SGMS1: variants seen among roughly 807,000 people sequenced by gnomAD.
SGMS1 encodes the protein sphingomyelin synthase 1.
Under a neutral mutation model 46.2 loss-of-function variants are expected in SGMS1, and 13 were observed. The ratio of observed to expected loss-of-function variants is 0.28; its 90% CI spans 0.18 to 0.45. SGMS1 has a LOEUF of 0.45. Among genes scored for constraint, SGMS1 ranks in the 20% least tolerant of loss-of-function variants. SGMS1 has a pLI of 1.00. For synonymous variants in SGMS1, 203 were observed against 187.8 expected (o/e 1.08, Z -0.66); for missense variants, 324 against 519.9 (o/e 0.62, Z 3.66).
At chr10:50,550,808 C>T (rs751772465) in intron 2 of SGMS1, among the ~76,000 whole-genome samples, 35 of 152,088 alleles carry the variant, frequency 2.3e-4, no homozygotes, top group African/African-American at 3.1e-4. Flanking sequence ...AAAATAAGGA[C>T]GTACTAAAAC....
chr10:50,615,008 T>G (rs953776302), intron 1 of SGMS1, among the ~76,000 whole-genome samples: 1 of 152,180 alleles, frequency 6.6e-6, no homozygotes, highest in Non-Finnish European at 1.5e-5. Flanking sequence ...TGCCAAAAGG[T>G]CTAATCAGAA....
chr10:50,617,423 G>T (rs1838808515), intron 1 of SGMS1, among the ~76,000 whole-genome samples: 1 of 152,162 alleles, frequency 6.6e-6, no homozygotes, highest in Non-Finnish European at 1.5e-5. Context: ...GGGACAAAGG[G>T]ATTACAAAGG....
At chr10:50,547,018 G>C (rs1171358679) in intron 2 of SGMS1, among the ~76,000 whole-genome samples, 1 of 152,038 alleles carries the variant, frequency 6.6e-6, no homozygotes, top group African/African-American at 2.4e-5. Context: ...AGGTATTACT[G>C]TTCAGAAATG....
At chr10:50,400,564 C>T (rs1201070619) in intron 6 of SGMS1, among the ~76,000 whole-genome samples, 2 of 151,504 alleles carry the variant, frequency 1.3e-5, no homozygotes, top group Admixed American at 1.3e-4. Context: ...AATCCTCCCA[C>T]CTCAGCCTCC....
chr10:50,612,519 A>G (rs1838759632), intron 1 of SGMS1, among the ~76,000 whole-genome samples: 1 of 152,260 alleles, frequency 6.6e-6, no homozygotes, highest in Admixed American at 6.5e-5. Context: ...AGGAACTGGA[A>G]CCACTGAAAA....
At chr10:50,322,688 C>T (rs533298337) in intron 8 of SGMS1, among the ~76,000 whole-genome samples, 280 of 151,094 alleles carry the variant, frequency 1.9e-3, no homozygotes, top group Non-Finnish European at 3.3e-3. Context: ...AAAAATTAGC[C>T]GGGCGCGGTG....
At chr10:50,437,662 A>G (rs943177276) in intron 5 of SGMS1, among the ~76,000 whole-genome samples, 34 of 152,328 alleles carry the variant, frequency 2.2e-4, no homozygotes, top group Middle Eastern at 6.8e-3. Flanking sequence ...GCAAAAGAGT[A>G]AAAGCACCAA....
intron 3 of SGMS1, among the ~76,000 whole-genome samples, chr10:50,484,554 G>T (rs1177965807): frequency 6.6e-6 from 1 of 152,130 alleles, no homozygotes; most frequent in Admixed American, 6.5e-5. Flanking sequence ...TATGAGGCCA[G>T]CATCATCTTG....
intron 5 of SGMS1, among the ~76,000 whole-genome samples, chr10:50,439,436 A>G (rs10825996): frequency 0.31 from 47,560 of 151,990 alleles, 7,640 homozygotes; most frequent in Middle Eastern, 0.39. Context: ...ACAGATGATG[A>G]CACATAGATC....
At chr10:50,610,544 A>T (rs1224508145) in intron 1 of SGMS1, among the ~76,000 whole-genome samples, 1 of 152,140 alleles carries the variant, frequency 6.6e-6, no homozygotes, top group Non-Finnish European at 1.5e-5. Context: ...CTGTTTCTAA[A>T]ATCAAAGTGA....
chr10:50,420,356 G>A (rs56080689), intron 6 of SGMS1, among the ~76,000 whole-genome samples: 28,903 of 152,010 alleles, frequency 0.19, 2,961 homozygotes, highest in Admixed American at 0.24. Context: ...TCAGGCATTC[G>A]TCCCCTCTGC....
chr10:50,469,931 C>G (rs1477025665), intron 3 of SGMS1, among the ~76,000 whole-genome samples: 2 of 152,198 alleles, frequency 1.3e-5, no homozygotes, highest in Non-Finnish European at 2.9e-5. Context: ...TAGGGCCAAC[C>G]CTTTTAAAAC....
intron 5 of SGMS1, among the ~76,000 whole-genome samples, chr10:50,458,938 C>T (rs1266660412): frequency 6.6e-6 from 1 of 152,128 alleles, no homozygotes; most frequent in Non-Finnish European, 1.5e-5. Flanking sequence ...TATAGTGCAA[C>T]TTCCTGGCTA....
intron 3 of SGMS1, among the ~76,000 whole-genome samples, chr10:50,518,436 T>C (rs555453712): frequency 6.6e-6 from 1 of 152,316 alleles, no homozygotes; most frequent in African/African-American, 2.4e-5. Flanking sequence ...GTTTGTTTGT[T>C]TGTTTTTGAG....
chr10:50,380,222 A>G (rs765097262), intron 6 of SGMS1, among the ~76,000 whole-genome samples: 34 of 151,948 alleles, frequency 2.2e-4, no homozygotes, highest in Non-Finnish European at 4.1e-4. Flanking sequence ...CTCTAATAGA[A>G]ATACAAAAAT....
intron 8 of SGMS1, among the ~76,000 whole-genome samples, chr10:50,319,807 C>T (rs1429972547): frequency 6.6e-6 from 1 of 152,176 alleles, no homozygotes; most frequent in Non-Finnish European, 1.5e-5. Context: ...CGAGTGTCTA[C>T]TGTATTTCTC....
chr10:50,513,744 G>A (rs1588860106), intron 3 of SGMS1, among the ~76,000 whole-genome samples: 1 of 152,220 alleles, frequency 6.6e-6, no homozygotes, highest in Admixed American at 6.5e-5. Flanking sequence ...GACCCAGACT[G>A]TTTCATAGTA....
chr10:50,440,450 T>G (rs1849530024), intron 5 of SGMS1, among the ~76,000 whole-genome samples: 1 of 152,150 alleles, frequency 6.6e-6, no homozygotes, highest in African/African-American at 2.4e-5. Flanking sequence ...TTTAAACCTC[T>G]CTAGCTATTC....
chr10:50,591,301 C>A (rs1189033003), intron 1 of SGMS1, among the ~76,000 whole-genome samples: 1 of 152,030 alleles, frequency 6.6e-6, no homozygotes, highest in African/African-American at 2.4e-5. Context: ...TCTTCTGACC[C>A]CAAGCCCTGG....
Sources: allele counts gnomAD v4.1 joint callset (sites outside exome capture counted in the v4.1 genomes callset), GRCh38; gene constraint gnomAD v4.1.1; transcripts MANE v1.5; gene names NCBI Gene and HGNC (gene_info 2026-07-23, HGNC 2026-07-21).